The following PCDHA5 variants were observed in gnomAD, a reference collection of about 807,000 sequenced individuals.
The protein encoded by PCDHA5 is protocadherin alpha-5.
PCDHA5 carries 43 observed loss-of-function variants against 61.6 expected under a neutral mutation model. The ratio of observed to expected loss-of-function variants is 0.70; its 90% CI spans 0.55 to 0.90. The LOEUF (loss-of-function observed/expected upper bound fraction) is 0.90. Ranked by LOEUF, PCDHA5 falls within the 40% of genes least tolerant of loss-of-function variation. PCDHA5 has a pLI of 0.00. For missense variants in PCDHA5, 1,298 were observed against 1,222.7 expected (o/e 1.06, Z -0.92); for synonymous variants, 627 against 543.9 (o/e 1.15, Z -2.13).
rs201991205 is a variant in PCDHA5 at position 140,982,521 on chromosome 5, G to C, written c.2458G>C (p.Gly820Arg). ...TGGCATTCTACGGGCTGGTCCAGGAGGGCCTGATCAGCAGTGGCCAACAGT... is the reference window on the plus strand; with the variant it reads ...TGGCATTCTACGGGCTGGTCCAGGACGGCCTGATCAGCAGTGGCCAACAGT... ...EAGILRAGPG[G>R]PDQQWPTVSS... Residue 820 changes from glycine to arginine, a missense_variant, in exon 3 of 4, where the codon GGG becomes CGG. Gly to Arg is a moderately radical substitution (Grantham distance 125). Coordinates refer to ENST00000529859, the MANE Select transcript of PCDHA5 (RefSeq NM_018908.3). The C allele has an allele frequency of 9.3e-6, 15 of 1,614,216 alleles. No individual in the cohort carries two copies. In the Admixed American group the frequency reaches 2.3e-4, roughly 25 times the overall value.
intron 1 of PCDHA5, chr5:140,828,701 G>A (rs1769895865): frequency 1.2e-6 from 2 of 1,614,104 alleles, no homozygotes. Context: ...GGACAGAGAG[G>A]AAGCTCCTGC....
intron 1 of PCDHA5, chr5:140,876,486 G>T (rs2153341413): frequency 6.2e-7 from 1 of 1,614,014 alleles, no homozygotes; most frequent in Non-Finnish European, 8.5e-7. Context: ...TGGTCCTGGT[G>T]GAAGTTCTGG....
intron 1 of PCDHA5, among the ~76,000 whole-genome samples, chr5:140,949,595 G>A (rs1342869045): frequency 1.3e-5 from 2 of 151,566 alleles, no homozygotes; most frequent in Admixed American, 6.6e-5. Context: ...TATTAATGTG[G>A]CCATTCTAGT....
rs200850648 is a variant in PCDHA5, at chr5:140,842,182, T to C, written c.2352+18055T>C. 3.0e-4 allele frequency: 478 copies of C among 1,613,232 alleles called. 6 individuals carry two copies. Among genetic ancestry groups the C allele is most frequent in the African/African-American group, 2.2e-3 (164 of 74,868 alleles). ...ATTCTTTTAATAGCCTTGTTGAAAC[T>C]ATGGTTATTGACCACTTTAGCATAG... is the stretch of plus-strand genomic sequence containing the variant. On this transcript the variant is annotated intron_variant, in intron 1 of 3. Coordinates refer to ENST00000529859, the MANE Select transcript of PCDHA5 (RefSeq NM_018908.3).
In PCDHA5 at chr5:141,009,951, A is replaced by G. The variant is rs2303646; in HGVS notation, c.*14A>G. On this transcript the variant is annotated 3_prime_UTR_variant, in exon 4 of 4. Coordinates refer to ENST00000529859, the MANE Select transcript of PCDHA5 (RefSeq NM_018908.3). ...AGTGACCAGTGAGGTCCTCAAATGGAAACAAGCCACTTAGCCAGTTTTTGT... is the reference window on the plus strand; with the variant it reads ...AGTGACCAGTGAGGTCCTCAAATGGGAACAAGCCACTTAGCCAGTTTTTGT... 5,767 of 1,593,458 alleles carry G rather than the reference A, an allele frequency of 3.6e-3. 231 individuals are homozygous for G. In the East Asian group the frequency reaches 0.095, roughly 26 times the overall value.
intron 3 of PCDHA5, 48 bp from the exon 4 acceptor site, chr5:141,009,579 A>T: frequency 6.3e-7 from 1 of 1,586,202 alleles, no homozygotes; most frequent in Non-Finnish European, 8.6e-7. Context: ...TGTGGCATCA[A>T]GAGCATGTGT....
At chr5:140,826,225 A>T (rs1768853170) in intron 1 of PCDHA5, among the ~76,000 whole-genome samples, 1 of 152,198 alleles carries the variant, frequency 6.6e-6, no homozygotes, top group Non-Finnish European at 1.5e-5. Flanking sequence ...AAGTTTTGTG[A>T]TATAAACTAT....
intron 1 of PCDHA5, among the ~76,000 whole-genome samples, chr5:140,908,808 A>C (rs781863210): frequency 6.6e-6 from 1 of 152,068 alleles, no homozygotes; most frequent in Non-Finnish European, 1.5e-5. Flanking sequence ...AAAAAGTGAG[A>C]GCCTTTTGGG....
At chr5:140,927,265 C>T in intron 1 of PCDHA5, 1 of 1,614,168 alleles carries the variant, frequency 6.2e-7, no homozygotes. Context: ...ACCTCTCTTT[C>T]CTGCCGGCGA....
At chr5:140,887,357 A>G (rs112910602) in intron 1 of PCDHA5, among the ~76,000 whole-genome samples, 1 of 152,032 alleles carries the variant, frequency 6.6e-6, no homozygotes, top group Non-Finnish European at 1.5e-5. Flanking sequence ...CGGCCTCCCA[A>G]AGTGCTGGGA....
Position 140,841,407 on chromosome 5 carries a change from G to A in PCDHA5, c.2352+17280G>A, listed in dbSNP as rs2150314809. On this transcript the variant is annotated intron_variant, in intron 1 of 3. Transcript: ENST00000529859. ...CTCGCAGCCTGGAAGGTGGGGAGCG[G>A]CCAGCTCCACTACTCCGTCCCCGAG... 14 of 1,613,104 alleles carry A rather than the reference G, an allele frequency of 8.7e-6. No individual in the cohort carries two copies. In the South Asian group the frequency reaches 1.5e-4, roughly 18 times the overall value.
intron 3 of PCDHA5, among the ~76,000 whole-genome samples, chr5:140,998,221 C>G (rs1478098925): frequency 1.3e-5 from 2 of 152,160 alleles, no homozygotes; most frequent in Non-Finnish European, 2.9e-5. Flanking sequence ...TAACCACACC[C>G]AGAAATTTGT....
chr5:140,879,019 T>C (rs1554170641), intron 1 of PCDHA5, among the ~76,000 whole-genome samples: 2 of 152,216 alleles, frequency 1.3e-5, no homozygotes, highest in African/African-American at 4.8e-5. Flanking sequence ...AGATAATGTT[T>C]TATTGAAGAG....
chr5:140,883,569 C>T (rs781786717), intron 1 of PCDHA5: 3 of 1,614,134 alleles, frequency 1.9e-6, no homozygotes, highest in Non-Finnish European at 2.5e-6. Flanking sequence ...GGCTCGCCTT[C>T]GCTGTGGGCC....
In PCDHA5 at chr5:140,870,516, C is replaced by A. The variant is rs568100247; in HGVS notation, c.2352+46389C>A. The A allele has an allele frequency of 2.2e-4, 361 of 1,614,240 alleles. 3 individuals carry two copies. In the South Asian group the frequency reaches 3.8e-3, roughly 17 times the overall value. ...TGAAGGAGAACAACCCACCAGGCTG[C>A]CACATCTTCACAGTGTCGGCGCGGG... is the stretch of plus-strand genomic sequence containing the variant. On this transcript the variant is annotated intron_variant, in intron 1 of 3. Coordinates refer to ENST00000529859, the MANE Select transcript of PCDHA5 (RefSeq NM_018908.3).
intron 1 of PCDHA5, chr5:140,882,343 G>A: frequency 6.2e-7 from 1 of 1,614,198 alleles, no homozygotes; most frequent in Non-Finnish European, 8.5e-7. Context: ...CAGCCTGGGA[G>A]ACGGGTAGTG....
At chr5:140,985,000 C>T (rs1237251178) in intron 3 of PCDHA5, among the ~76,000 whole-genome samples, 5 of 151,948 alleles carry the variant, frequency 3.3e-5, no homozygotes, top group Non-Finnish European at 7.4e-5. Context: ...TCCAGTGGCA[C>T]GATATCGGCT....
At chr5:140,952,257 C>T (rs1224282193) in intron 1 of PCDHA5, among the ~76,000 whole-genome samples, 1 of 151,342 alleles carries the variant, frequency 6.6e-6, no homozygotes, top group Non-Finnish European at 1.5e-5. Flanking sequence ...GGTGGATTCC[C>T]ATTCTGGGGT....
At chr5:140,924,894 C>CAA (rs782133089) in intron 1 of PCDHA5, among the ~76,000 whole-genome samples, 44 of 71,514 alleles carry the variant, frequency 6.2e-4, no homozygotes, top group African/African-American at 1.3e-3. Flanking sequence ...GAACCTGTCT[C>CAA]AAAAAAAAAA....
Sources: allele counts gnomAD v4.1 joint callset (sites outside exome capture counted in the v4.1 genomes callset), GRCh38; gene constraint gnomAD v4.1.1; transcripts MANE v1.5; gene names NCBI Gene and HGNC (gene_info 2026-07-23, HGNC 2026-07-21).